The following SYT17 variants were observed in gnomAD, a reference collection of about 807,000 sequenced individuals.
SYT17 encodes the protein synaptotagmin-17.
In SYT17, 22 loss-of-function variants were observed where a neutral mutation model predicts 46.7. The observed-to-expected ratio is 0.47, with a 90% CI of 0.34 to 0.67. The LOEUF (loss-of-function observed/expected upper bound fraction) is 0.67, where lower values mean the gene tolerates loss of function less well. Ranked by LOEUF, SYT17 falls within the 30% of genes least tolerant of loss-of-function variation. The pLI, the probability that SYT17 is intolerant of heterozygous loss-of-function variation, is 0.01. For missense variants in SYT17, 519 were observed against 612.8 expected (o/e 0.85, Z 1.62); for synonymous variants, 251 against 248.4 (o/e 1.01, Z -0.10).
chr16:19,189,253 T>G (rs565939940), intron 5 of SYT17, among the ~76,000 whole-genome samples: 14 of 152,258 alleles, frequency 9.2e-5, no homozygotes, highest in African/African-American at 3.1e-4. Flanking sequence ...TGACCTCATC[T>G]TAATTTAAAT....
intron 7 of SYT17, among the ~76,000 whole-genome samples, chr16:19,228,754 A>C (rs11647903): frequency 0.075 from 11,390 of 152,228 alleles, 588 homozygotes; most frequent in Non-Finnish European, 0.11. Flanking sequence ...GTTCTCCTGA[A>C]CTCAGATTCA....
chr16:19,252,474 T>C (rs1473829934), intron 7 of SYT17, among the ~76,000 whole-genome samples: 1 of 10,572 alleles, frequency 9.5e-5, no homozygotes, highest in Non-Finnish European at 1.5e-4. Context: ...TATATACATA[T>C]ATATATACAT....
At chr16:19,205,013 C>T (rs1443039604) in intron 5 of SYT17, among the ~76,000 whole-genome samples, 1 of 152,204 alleles carries the variant, frequency 6.6e-6, no homozygotes, top group Non-Finnish European at 1.5e-5. Flanking sequence ...TCTACTCCTA[C>T]AACCAGGTCC....
intron 5 of SYT17, among the ~76,000 whole-genome samples, chr16:19,190,768 CTGTGTGTGTGTGTG>C (rs56947560): frequency 7.9e-4 from 114 of 144,822 alleles, no homozygotes; most frequent in African/African-American, 1.7e-3. Flanking sequence ...AATAATATTC[CTGTGTGTGTGTGTG>C]TGTGTGTGTG....
At chr16:19,259,431 C>T (rs907183244) in intron 7 of SYT17, among the ~76,000 whole-genome samples, 3 of 152,108 alleles carry the variant, frequency 2.0e-5, no homozygotes, top group Non-Finnish European at 4.4e-5. Context: ...TGCAAATAGC[C>T]GCCAGCCCTG....
At chr16:19,207,914 A>G (rs185347878) in intron 5 of SYT17, among the ~76,000 whole-genome samples, 33 of 152,216 alleles carry the variant, frequency 2.2e-4, no homozygotes, top group East Asian at 9.6e-4. Context: ...AACAGGAAAA[A>G]AAAGAAAGAA....
chr16:19,238,795 CG>C (rs1339996012), intron 7 of SYT17, among the ~76,000 whole-genome samples: 3 of 152,128 alleles, frequency 2.0e-5, no homozygotes, highest in African/African-American at 7.2e-5. Flanking sequence ...CTTTGTGCCT[CG>C]GTGGTGGCAA....
chr16:19,240,909 C>T (rs528571086), intron 7 of SYT17, among the ~76,000 whole-genome samples: 12 of 151,696 alleles, frequency 7.9e-5, no homozygotes, highest in East Asian at 5.8e-4. Context: ...TGTGCACACC[C>T]GGCCAGGCTG....
chr16:19,194,440 G>C (rs1446287527), intron 5 of SYT17, among the ~76,000 whole-genome samples: 3 of 152,170 alleles, frequency 2.0e-5, no homozygotes, highest in African/African-American at 7.2e-5. Flanking sequence ...CTTCTCCTTG[G>C]TCTTCACTTT....
chr16:19,205,074 C>T (rs2142758624), intron 5 of SYT17, among the ~76,000 whole-genome samples: 1 of 152,316 alleles, frequency 6.6e-6, no homozygotes, highest in African/African-American at 2.4e-5. Context: ...TCATGGGTCT[C>T]CCTGCTTCAT....
rs1963960434 is a variant in SYT17, at chr16:19,168,681, C to A, written c.15+20C>A. ...ATCCAGGTAGGGCTGAGGCTGGGGGCAAGGTCCGGGGTGCGGGTAGGGGGT... is the reference window on the plus strand; with the variant it reads ...ATCCAGGTAGGGCTGAGGCTGGGGGAAAGGTCCGGGGTGCGGGTAGGGGGT... On this transcript the variant is annotated intron_variant, in intron 1 of 7. Transcript: ENST00000355377. This position sits in a 1 kb window ranked among gnomAD's most constrained non-coding sequence, Gnocchi z 6.9. The A allele has an allele frequency of 6.6e-7, 1 of 1,506,740 alleles. No individual in the cohort carries two copies. The highest frequency in any genetic ancestry group is 8.9e-7 in the Non-Finnish European group (1 of 1,124,808). 93.3% of individuals were successfully genotyped at this position (1,506,740 alleles called of 1,614,324 possible).
At chr16:19,176,511 C>A (rs934059012) in intron 3 of SYT17, among the ~76,000 whole-genome samples, 2 of 152,198 alleles carry the variant, frequency 1.3e-5, no homozygotes, top group Non-Finnish European at 2.9e-5. Context: ...TTATTTCTAC[C>A]ATTGTTATGC....
intron 5 of SYT17, among the ~76,000 whole-genome samples, chr16:19,190,945 C>CTG (rs1375535437): frequency 2.0e-5 from 3 of 152,058 alleles, no homozygotes; most frequent in Non-Finnish European, 4.4e-5. Flanking sequence ...TTTTGACCAA[C>CTG]TGTGTGTGTG....
chr16:19,217,927 A>T (rs1487229063), intron 5 of SYT17, among the ~76,000 whole-genome samples: 6 of 152,200 alleles, frequency 3.9e-5, no homozygotes, highest in Admixed American at 3.3e-4. Flanking sequence ...CCACCAATAG[A>T]TACTGAGTTG....
At chr16:19,236,411 G>A (rs1275334828) in intron 7 of SYT17, among the ~76,000 whole-genome samples, 1 of 152,182 alleles carries the variant, frequency 6.6e-6, no homozygotes, top group Non-Finnish European at 1.5e-5. Flanking sequence ...AGTGCAATGA[G>A]TATAGCCAAC....
At chr16:19,185,086 C>A (rs1226041184) in intron 5 of SYT17, among the ~76,000 whole-genome samples, 2 of 152,072 alleles carry the variant, frequency 1.3e-5, no homozygotes, top group African/African-American at 4.8e-5. Context: ...TCCTTCCCTC[C>A]CTTCCCGCTT....
chr16:19,222,508 G>A (rs1321113244), intron 5 of SYT17, among the ~76,000 whole-genome samples: 1 of 142,504 alleles, frequency 7.0e-6, no homozygotes, highest in Non-Finnish European at 1.5e-5. Flanking sequence ...GGGGACTCCA[G>A]GTTAAGAACA....
At chr16:19,179,959 A>G (rs1567199116) in intron 3 of SYT17, among the ~76,000 whole-genome samples, 1 of 152,244 alleles carries the variant, frequency 6.6e-6, no homozygotes, top group Non-Finnish European at 1.5e-5. Context: ...TAAATTATAG[A>G]CACAGTGACT....
At chr16:19,237,588 A>G (rs1287456141) in intron 7 of SYT17, among the ~76,000 whole-genome samples, 1 of 152,184 alleles carries the variant, frequency 6.6e-6, no homozygotes, top group Non-Finnish European at 1.5e-5. Context: ...TTTAATCTAC[A>G]TGTAATTAAA....
Sources: gnomAD v4.1 joint callset for allele counts (sites outside exome capture counted in the v4.1 genomes callset) on GRCh38, gnomAD v4.1.1 for gene constraint, Gnocchi (gnomAD v3.1) non-coding constraint, MANE v1.5 for transcripts, NCBI Gene and HGNC (gene_info 2026-07-23, HGNC 2026-07-21) for gene names.